Variants in NPAS3 observed in about 807,000 individuals in gnomAD.
NPAS3 encodes neuronal PAS domain-containing protein 3.
A neutral mutation model predicts 73.1 loss-of-function variants in NPAS3; 14 were observed. The observed-to-expected ratio is 0.19, with a 90% CI of 0.13 to 0.30. NPAS3 has a LOEUF of 0.30. NPAS3 is among the 10% of genes least tolerant of loss of function. The probability of loss-of-function intolerance (pLI) is 1.00; values close to 1 mark genes in which losing one functional copy is unlikely to be tolerated. For missense variants in NPAS3, 1,096 were observed against 1,250.0 expected (o/e 0.88, Z 1.86); for synonymous variants, 620 against 541.5 (o/e 1.14, Z -2.01).
At chr14:33,276,949 T>C (rs1275133540) in intron 3 of NPAS3, among the ~76,000 whole-genome samples, 1 of 152,114 alleles carries the variant, frequency 6.6e-6, no homozygotes, top group African/African-American at 2.4e-5. Context: ...GTGCCTACTA[T>C]GTGCCTACTA....
intron 4 of NPAS3, among the ~76,000 whole-genome samples, chr14:33,528,583 C>T (rs763378001): frequency 1.3e-5 from 2 of 151,992 alleles, no homozygotes; most frequent in Non-Finnish European, 2.9e-5. Context: ...TCTGAGAAAT[C>T]CTTCATGCTT....
intron 2 of NPAS3, among the ~76,000 whole-genome samples, chr14:33,207,027 T>C (rs1347735122): frequency 1.3e-5 from 2 of 152,198 alleles, no homozygotes; most frequent in Non-Finnish European, 2.9e-5. Flanking sequence ...TTATCCCATG[T>C]CGGGCAAAGA....
chr14:33,621,420 G>A (rs2058071207), intron 5 of NPAS3, among the ~76,000 whole-genome samples: 2 of 152,086 alleles, frequency 1.3e-5, no homozygotes, highest in Non-Finnish European at 1.5e-5. Context: ...CTCCCCTCTA[G>A]TTCTAATAGT....
chr14:33,127,616 G>C (rs766903813), intron 2 of NPAS3, among the ~76,000 whole-genome samples: 1 of 152,044 alleles, frequency 6.6e-6, no homozygotes, highest in Non-Finnish European at 1.5e-5. Flanking sequence ...TGCATTTTAC[G>C]GACTTGGGTC....
chr14:33,386,010 G>C (rs2046759663), intron 4 of NPAS3, among the ~76,000 whole-genome samples: 1 of 152,044 alleles, frequency 6.6e-6, no homozygotes, highest in Admixed American at 6.6e-5. Flanking sequence ...AAGTTGTAGT[G>C]ATGAGGAATG....
In NPAS3 at chr14:33,098,934, GCT is replaced by G. The variant is rs1332253183; in HGVS notation, c.140+42942_140+42943del. ...TGCACTTTGAGTGCTTCACAAAGGT[GCT>G]CAACTGAGGGGGCTTTTGGAAATGG... On this transcript the variant is annotated intron_variant, in intron 2 of 11. Transcript: ENST00000356141. Among the ~76,000 whole-genome samples, 3 of 152,216 alleles carry G rather than the reference GCT, an allele frequency of 2.0e-5. No individual in the cohort carries two copies. In the East Asian group the frequency reaches 5.8e-4, roughly 29 times the overall value.
At chr14:33,504,895 G>A (rs1356673853) in intron 4 of NPAS3, among the ~76,000 whole-genome samples, 1 of 151,994 alleles carries the variant, frequency 6.6e-6, no homozygotes, top group East Asian at 1.9e-4. Context: ...AGACAGCTGA[G>A]AACTACGGAG....
At chr14:33,770,108 C>T (rs1276616684) in intron 7 of NPAS3, among the ~76,000 whole-genome samples, 1 of 152,088 alleles carries the variant, frequency 6.6e-6, no homozygotes, top group African/African-American at 2.4e-5. Flanking sequence ...GCCAGTGCCC[C>T]ACCACCTGAG....
intron 2 of NPAS3, among the ~76,000 whole-genome samples, chr14:33,131,197 C>G (rs1365913035): frequency 6.6e-6 from 1 of 152,074 alleles, no homozygotes; most frequent in African/African-American, 2.4e-5. Context: ...AGTTTTTAGT[C>G]TCTCTTGTGT....
At chr14:33,542,415 G>A (rs142503173) in intron 4 of NPAS3, among the ~76,000 whole-genome samples, 2 of 152,152 alleles carry the variant, frequency 1.3e-5, no homozygotes, top group Admixed American at 1.3e-4. Flanking sequence ...CAGAGAGGTG[G>A]CTGCTGGCCT....
chr14:33,775,383 C>G (rs2062780917), intron 8 of NPAS3, among the ~76,000 whole-genome samples: 2 of 152,134 alleles, frequency 1.3e-5, no homozygotes, highest in Non-Finnish European at 2.9e-5. Context: ...GCTTTTGCAG[C>G]GCTGTTGTCA....
intron 5 of NPAS3, among the ~76,000 whole-genome samples, chr14:33,670,738 C>A (rs534371008): frequency 5.3e-5 from 8 of 151,896 alleles, no homozygotes; most frequent in African/African-American, 1.7e-4. Context: ...GATCTGAAGG[C>A]CTCACCTGGG....
chr14:33,793,552 T>G (rs1566548326), intron 9 of NPAS3, among the ~76,000 whole-genome samples: 1 of 152,258 alleles, frequency 6.6e-6, no homozygotes, highest in Admixed American at 6.5e-5. Context: ...AATTTGCCTT[T>G]CTTACCATCT....
At chr14:33,446,172 T>TAA (rs1555394914) in intron 4 of NPAS3, among the ~76,000 whole-genome samples, 2 of 93,526 alleles carry the variant, frequency 2.1e-5, no homozygotes, top group Non-Finnish European at 4.3e-5. Context: ...CTTTCTTTTT[T>TAA]TTTTTTTTTT....
chr14:33,456,779 C>A (rs1381401085), intron 4 of NPAS3, among the ~76,000 whole-genome samples: 1 of 152,244 alleles, frequency 6.6e-6, no homozygotes, highest in Non-Finnish European at 1.5e-5. Context: ...GCAGCTCAGG[C>A]TTACCTGTGG....
chr14:33,122,527 G>T (rs1420186596), intron 2 of NPAS3, among the ~76,000 whole-genome samples: 1 of 152,090 alleles, frequency 6.6e-6, no homozygotes, highest in African/African-American at 2.4e-5. Context: ...TCACTAAAAT[G>T]ACTTTGGGGT....
At chr14:33,485,650 A>G (rs1421559604) in intron 4 of NPAS3, among the ~76,000 whole-genome samples, 1 of 152,048 alleles carries the variant, frequency 6.6e-6, no homozygotes, top group Admixed American at 6.6e-5. Context: ...AAAAGACAGT[A>G]CTCTTGAACA....
chr14:33,030,011 A>T (rs1194056170), intron 1 of NPAS3, among the ~76,000 whole-genome samples: 3 of 152,120 alleles, frequency 2.0e-5, no homozygotes, highest in Non-Finnish European at 4.4e-5. Context: ...AGTGAGTTGT[A>T]CCTCCCTTTG....
chr14:33,019,210 A>G (rs926081990), intron 1 of NPAS3, among the ~76,000 whole-genome samples: 3 of 152,240 alleles, frequency 2.0e-5, no homozygotes, highest in Non-Finnish European at 2.9e-5. Flanking sequence ...TAGCACAATG[A>G]AAGTTCTTGT....
Sources: gnomAD v4.1 joint callset for allele counts (sites outside exome capture counted in the v4.1 genomes callset) on GRCh38, gnomAD v4.1.1 for gene constraint, MANE v1.5 for transcripts, NCBI Gene and HGNC (gene_info 2026-07-23, HGNC 2026-07-21) for gene names.